Variants in GABRB3 observed in about 807,000 individuals in gnomAD.
GABRB3 encodes the protein gamma-aminobutyric acid type A receptor subunit beta3, also known as gamma-aminobutyric acid receptor subunit beta-3.
GABRB3 carries 14 observed loss-of-function variants against 52.1 expected under a neutral mutation model. The ratio of observed to expected loss-of-function variants is 0.27; its 90% CI spans 0.18 to 0.42. GABRB3 has a LOEUF of 0.42. Ranked by LOEUF, GABRB3 falls within the 10% of genes least tolerant of loss-of-function variation. The probability of loss-of-function intolerance (pLI) is 1.00; values close to 1 mark genes in which losing one functional copy is unlikely to be tolerated. For synonymous variants in GABRB3, 260 were observed against 232.3 expected, an observed-to-expected ratio of 1.12 and a Z score of -1.08; for missense variants, 307 against 609.1, an observed-to-expected ratio of 0.50 and a Z score of 5.22.
Position 26,730,494 on chromosome 15 carries a change from G to A in GABRB3, c.240+41908C>T, listed in dbSNP as rs145668268. On this transcript the variant is annotated intron_variant, in intron 3 of 8. Transcript: ENST00000311550. ...GTGCACAGGCACCTCACCACCCCCC[G>A]TGCGGATGAATGCGGTCACGTCCCA... Among the ~76,000 whole-genome samples, 50 of 151,608 alleles carry A rather than the reference G, an allele frequency of 3.3e-4. No homozygotes were observed. In the East Asian group the frequency reaches 8.9e-3, roughly 27 times the overall value.
chr15:26,715,968 T>C (rs1388681432), intron 3 of GABRB3, among the ~76,000 whole-genome samples: 1 of 152,096 alleles, frequency 6.6e-6, no homozygotes, highest in Admixed American at 6.5e-5. Context: ...GAACAAGCCA[T>C]GGTAAGAACA....
chr15:26,737,750 T>C (rs1032171333), intron 3 of GABRB3, among the ~76,000 whole-genome samples: 1 of 152,180 alleles, frequency 6.6e-6, no homozygotes, highest in African/African-American at 2.4e-5. Context: ...TTCTTATATA[T>C]ACACACACTA....
At chr15:26,579,803 C>A (rs1890722190) in intron 6 of GABRB3, among the ~76,000 whole-genome samples, 1 of 152,164 alleles carries the variant, frequency 6.6e-6, no homozygotes, top group Non-Finnish European at 1.5e-5. Context: ...GAAACCCAGG[C>A]TAAGGCAACC....
chr15:26,550,401 A>G (rs1595430709), intron 8 of GABRB3, among the ~76,000 whole-genome samples: 1 of 152,182 alleles, frequency 6.6e-6, no homozygotes, highest in South Asian at 2.1e-4. Flanking sequence ...AAAATGCTCA[A>G]TATCACTCAT....
chr15:26,598,474 T>A (rs971651079), intron 4 of GABRB3, among the ~76,000 whole-genome samples: 2 of 152,052 alleles, frequency 1.3e-5, no homozygotes, highest in Admixed American at 1.3e-4. Flanking sequence ...AACATCCTTT[T>A]GAAAATTTCA....
chr15:26,752,465 G>A (rs28587996), intron 3 of GABRB3, among the ~76,000 whole-genome samples: 12,652 of 151,786 alleles, frequency 0.083, 726 homozygotes, highest in East Asian at 0.29. Context: ...GGGTTTCACC[G>A]TGTTAGCCAG....
intron 6 of GABRB3, among the ~76,000 whole-genome samples, chr15:26,572,388 A>G (rs1266511636): frequency 1.3e-5 from 2 of 152,210 alleles, no homozygotes; most frequent in Admixed American, 1.3e-4. Flanking sequence ...TCCTTCAGGC[A>G]GGGATGAAGG....
At chr15:26,559,283 A>G (rs1293165497) in intron 8 of GABRB3, among the ~76,000 whole-genome samples, 1 of 151,996 alleles carries the variant, frequency 6.6e-6, no homozygotes, top group African/African-American at 2.4e-5. Flanking sequence ...CCTTGTTCCT[A>G]CTTTTGCCAT....
At chr15:26,660,106 T>C (rs1343807997) in intron 3 of GABRB3, among the ~76,000 whole-genome samples, 1 of 152,100 alleles carries the variant, frequency 6.6e-6, no homozygotes, top group Non-Finnish European at 1.5e-5. Context: ...GGCACGCCCC[T>C]GTAATCCCAG....
intron 8 of GABRB3, among the ~76,000 whole-genome samples, chr15:26,554,565 C>T (rs1889682399): frequency 6.6e-6 from 1 of 152,044 alleles, no homozygotes; most frequent in African/African-American, 2.4e-5. Context: ...TAAGCCTTGT[C>T]CTCTCTTCCC....
rs751106226 is a variant in GABRB3 at position 26,567,561 on chromosome 15, C to T, written c.835+20G>A. The stretch of plus-strand genomic sequence containing the variant: ...ATACGGTTACTTTACATTTAAATAT[C>T]ACTTAAAAATAGCACATACCGAGGG... On this transcript the variant is annotated intron_variant, in intron 7 of 8. Transcript: ENST00000311550. 8 of 1,610,196 alleles carry T rather than the reference C, an allele frequency of 5.0e-6. No homozygotes were observed. In the African/African-American group the frequency reaches 9.4e-5, roughly 19 times the overall value.
In GABRB3 at chr15:26,735,434, C is replaced by T. The variant is rs776859387; in HGVS notation, c.240+36968G>A. On this transcript the variant is annotated intron_variant, in intron 3 of 8. Coordinates refer to ENST00000311550, the MANE Select transcript of GABRB3 (RefSeq NM_000814.6). Reference sequence around the variant, plus strand: ...TTCTGGGAATCCCACCCAAAAGAATCGGAAGCAAGTTTGCAAAAAGATAGT... The same window carrying T: ...TTCTGGGAATCCCACCCAAAAGAATTGGAAGCAAGTTTGCAAAAAGATAGT... Among the ~76,000 whole-genome samples, 13 of 152,194 alleles carry T rather than the reference C, an allele frequency of 8.5e-5. 1 individual carries two copies. In the South Asian group the frequency reaches 1.7e-3, roughly 19 times the overall value.
At chr15:26,601,560 C>T (rs889135409) in intron 4 of GABRB3, among the ~76,000 whole-genome samples, 2 of 152,004 alleles carry the variant, frequency 1.3e-5, no homozygotes, top group Admixed American at 1.3e-4. Flanking sequence ...TCTTACCTAT[C>T]AATAATTACC....
At chr15:26,752,620 A>G (rs80184385) in intron 3 of GABRB3, among the ~76,000 whole-genome samples, 11,988 of 152,188 alleles carry the variant, frequency 0.079, 609 homozygotes, top group Middle Eastern at 0.12. Flanking sequence ...TAAAAACTGT[A>G]CATATTTATG....
chr15:26,750,180 T>C (rs1890465169), intron 3 of GABRB3: 1 of 152,230 alleles, frequency 6.6e-6, no homozygotes, highest in Non-Finnish European at 1.5e-5. Flanking sequence ...GGAATTCAAA[T>C]CAGTCCATGT....
intron 3 of GABRB3, among the ~76,000 whole-genome samples, chr15:26,665,632 C>T (rs754596420): frequency 6.6e-6 from 1 of 152,060 alleles, no homozygotes; most frequent in Non-Finnish European, 1.5e-5. Context: ...TAAAAGGAGA[C>T]CATAAATGCT....
At chr15:26,551,539 G>A (rs2140654012) in intron 8 of GABRB3, among the ~76,000 whole-genome samples, 1 of 152,340 alleles carries the variant, frequency 6.6e-6, no homozygotes, top group South Asian at 2.1e-4. Context: ...TGGGGAAGTA[G>A]TGGAAAGTCA....
intron 3 of GABRB3, among the ~76,000 whole-genome samples, chr15:26,735,824 A>C (rs1163212783): frequency 6.6e-6 from 1 of 152,032 alleles, no homozygotes; most frequent in African/African-American, 2.4e-5. Context: ...GGATGGTGGC[A>C]CATGACTGTG....
At chr15:26,608,188 T>G (rs1245008953) in intron 4 of GABRB3, among the ~76,000 whole-genome samples, 1 of 151,832 alleles carries the variant, frequency 6.6e-6, no homozygotes, top group African/African-American at 2.4e-5. Flanking sequence ...ATATGATTTT[T>G]GCCAAGAATA....
Sources: allele counts gnomAD v4.1 joint callset (sites outside exome capture counted in the v4.1 genomes callset), GRCh38; gene constraint gnomAD v4.1.1; transcripts MANE v1.5; gene names NCBI Gene and HGNC (gene_info 2026-07-23, HGNC 2026-07-21).